Variants in RABGAP1L observed in about 807,000 individuals in gnomAD.
RABGAP1L encodes RAB GTPase activating protein 1 like.
In RABGAP1L, 63 loss-of-function variants were observed where a neutral mutation model predicts 137.7. The observed-to-expected ratio is 0.46, with a 90% confidence interval of 0.37 to 0.56. The LOEUF (loss-of-function observed/expected upper bound fraction) is 0.56. RABGAP1L is among the 20% of genes least tolerant of loss of function. The pLI is 0.00. For missense variants in RABGAP1L, 1,095 were observed against 1,244.0 expected (o/e 0.88, Z 1.80); for synonymous variants, 431 against 433.7 (o/e 0.99, Z 0.08).
chr1:174,302,722 G>A (rs1408038175), intron 10 of RABGAP1L, among the ~76,000 whole-genome samples: 1 of 152,168 alleles, frequency 6.6e-6, no homozygotes, highest in African/African-American at 2.4e-5. Flanking sequence ...TGTGCTAAGT[G>A]TAGGTTTGAT....
chr1:174,623,564 C>G (rs1672711076), intron 13 of RABGAP1L, among the ~76,000 whole-genome samples: 2 of 152,138 alleles, frequency 1.3e-5, no homozygotes, highest in South Asian at 2.1e-4. Flanking sequence ...TTCCTTTGTC[C>G]TCTCCCCATG....
intron 1 of RABGAP1L, among the ~76,000 whole-genome samples, chr1:174,201,240 C>G (rs1367235250): frequency 2.0e-5 from 3 of 151,866 alleles, no homozygotes; most frequent in African/African-American, 7.3e-5. Context: ...CAGGTGTGAG[C>G]CACCACACCC....
chr1:174,217,631 C>T (rs1318491483), intron 1 of RABGAP1L, among the ~76,000 whole-genome samples: 1 of 151,918 alleles, frequency 6.6e-6, no homozygotes, highest in Non-Finnish European at 1.5e-5. Context: ...TTTTTAGAAA[C>T]AAAATATACA....
chr1:174,864,535 A>C (rs1482465574), intron 19 of RABGAP1L, among the ~76,000 whole-genome samples: 1 of 152,212 alleles, frequency 6.6e-6, no homozygotes, highest in East Asian at 1.9e-4. Flanking sequence ...GAATGCGAGC[A>C]AAATGGGGAA....
chr1:174,603,797 G>A (rs1177488242), intron 13 of RABGAP1L, among the ~76,000 whole-genome samples: 1 of 151,984 alleles, frequency 6.6e-6, no homozygotes, highest in East Asian at 1.9e-4. Flanking sequence ...TCCCCTACAA[G>A]GCAGCAGGTT....
chr1:174,783,021 A>G lies in RABGAP1L; in HGVS notation c.2212-28811A>G, dbSNP rs183501840. 2.9e-3 allele frequency among the ~76,000 whole-genome samples: 440 copies of G among 151,804 alleles called. 2 individuals are homozygous for G. Among genetic ancestry groups the G allele is most frequent in the African/African-American group, 0.01 (420 of 41,400 alleles). On this transcript the variant is annotated intron_variant, in intron 18 of 25. Coordinates refer to ENST00000681986, the MANE Select transcript of RABGAP1L (RefSeq NM_001366446.1). ...ACTCTATTAAATCTTGCAACTGCAC[A>G]CTCTTTTGGTCCATGTTTGTTCTGG... is the stretch of plus-strand genomic sequence containing the variant.
chr1:174,383,378 C>G (rs1422441388), intron 12 of RABGAP1L, among the ~76,000 whole-genome samples: 3 of 151,756 alleles, frequency 2.0e-5, no homozygotes, highest in Admixed American at 6.6e-5. Context: ...GGCGGGCGCC[C>G]CTCCCCCAGC....
At chr1:174,278,584 G>A (rs368513311) in intron 9 of RABGAP1L, 29 bp from the exon 10 acceptor site, 25 of 1,565,156 alleles carry the variant, frequency 1.6e-5, no homozygotes, top group African/African-American at 5.5e-5. Context: ...AATAAAGCTC[G>A]CATAAAACCC....
Position 174,512,570 on chromosome 1 carries a change from A to G in RABGAP1L, c.1710+118425A>G, listed in dbSNP as rs184501396. ...GAAGTAAAGGGGACAACTGAAATGT[A>G]TCATCTTGCCATGTATAAAAAGGCA... On this transcript the variant is annotated intron_variant, in intron 13 of 25. Coordinates refer to ENST00000681986, the MANE Select transcript of RABGAP1L (RefSeq NM_001366446.1). Among the ~76,000 whole-genome samples, 19 of 152,350 alleles carry G rather than the reference A, an allele frequency of 1.2e-4. No individual in the cohort carries two copies. In the East Asian group the frequency reaches 1.7e-3, roughly 14 times the overall value.
rs186779686 is a variant in RABGAP1L at position 174,281,152 on chromosome 1, G to C, written c.1323+2373G>C. On this transcript the variant is annotated intron_variant, in intron 10 of 25. Coordinates refer to ENST00000681986, the MANE Select transcript of RABGAP1L (RefSeq NM_001366446.1). The stretch of plus-strand genomic sequence containing the variant: ...GAGCAACAGCAAGATTTACTGTGAA[G>C]AGCAAAAGAACAAAGCTTCCACAGA... 1.8e-4 allele frequency among the ~76,000 whole-genome samples: 27 copies of C among 152,282 alleles called. No homozygotes were observed. In the East Asian group the frequency reaches 5.2e-3, roughly 29 times the overall value.
chr1:174,544,354 A>C (rs1665793363), intron 13 of RABGAP1L, among the ~76,000 whole-genome samples: 1 of 151,962 alleles, frequency 6.6e-6, no homozygotes, highest in Non-Finnish European at 1.5e-5. Context: ...TTTGATCTTC[A>C]ATCACTGATA....
chr1:174,328,774 T>C (rs868788106), intron 11 of RABGAP1L, among the ~76,000 whole-genome samples: 5 of 151,968 alleles, frequency 3.3e-5, no homozygotes, highest in Middle Eastern at 3.4e-3. Flanking sequence ...CATCTCTAAA[T>C]AAATATATAA....
At chr1:174,548,159 T>C in intron 13 of RABGAP1L, 3 of 1,476,278 alleles carry the variant, frequency 2.0e-6, no homozygotes, top group Non-Finnish European at 2.7e-6. Context: ...ATGTTACATA[T>C]GTTCATTTTA....
At chr1:174,550,997 CACATAT>C (rs1666471965) in intron 13 of RABGAP1L, among the ~76,000 whole-genome samples, 2 of 92,172 alleles carry the variant, frequency 2.2e-5, no homozygotes, top group African/African-American at 1.6e-4. Context: ...TATATATATA[CACATAT>C]ATATATATAT....
intron 13 of RABGAP1L, among the ~76,000 whole-genome samples, chr1:174,618,392 C>T (rs1672110090): frequency 6.6e-6 from 1 of 152,222 alleles, no homozygotes; most frequent in Non-Finnish European, 1.5e-5. Flanking sequence ...AGGCACCCTG[C>T]AGTAGGGGCA....
chr1:174,364,533 C>G (rs899945545), intron 11 of RABGAP1L, among the ~76,000 whole-genome samples: 1 of 151,964 alleles, frequency 6.6e-6, no homozygotes, highest in African/African-American at 2.4e-5. Flanking sequence ...GGATTACAGG[C>G]GTGAGCCACC....
intron 18 of RABGAP1L, among the ~76,000 whole-genome samples, chr1:174,785,941 G>T (rs1687418923): frequency 6.6e-6 from 1 of 152,076 alleles, no homozygotes; most frequent in Non-Finnish European, 1.5e-5. Context: ...TGATAGGAAA[G>T]AAATAGTAAA....
intron 10 of RABGAP1L, among the ~76,000 whole-genome samples, chr1:174,300,328 C>T (rs1421294979): frequency 6.6e-6 from 1 of 151,164 alleles, no homozygotes; most frequent in Non-Finnish European, 1.5e-5. Context: ...GAGTTTGAGA[C>T]CAGCCTGGCC....
chr1:174,616,475 A>C (rs888371767), intron 13 of RABGAP1L, among the ~76,000 whole-genome samples: 2 of 152,228 alleles, frequency 1.3e-5, no homozygotes, highest in African/African-American at 4.8e-5. Context: ...TGCCTACTAA[A>C]GTCTCAGGCA....
Sources: allele counts gnomAD v4.1 joint callset (sites outside exome capture counted in the v4.1 genomes callset), GRCh38; gene constraint gnomAD v4.1.1; transcripts MANE v1.5; gene names NCBI Gene and HGNC (gene_info 2026-07-23, HGNC 2026-07-21).